GLYATL2: variants seen among roughly 807,000 people sequenced by gnomAD.
GLYATL2 encodes glycine-N-acyltransferase like 2.
A neutral mutation model predicts 21.4 loss-of-function variants in GLYATL2; 25 were observed. The observed-to-expected ratio is 1.17, with a 90% CI of 0.85 to 1.63. The LOEUF is 1.63. GLYATL2 is among the 40% of genes most tolerant of loss of function. The pLI is 0.00. For synonymous variants in GLYATL2, 114 were observed against 118.2 expected, an observed-to-expected ratio of 0.96 and a Z score of 0.23; for missense variants, 361 against 343.3, an observed-to-expected ratio of 1.05 and a Z score of -0.41.
intron 1 of GLYATL2, among the ~76,000 whole-genome samples, chr11:58,869,174 T>C (rs1854072107): frequency 6.6e-6 from 1 of 152,350 alleles, no homozygotes; most frequent in Non-Finnish European, 1.5e-5. Flanking sequence ...AGAAGTTGGA[T>C]TGTGTTCTAG....
chr11:58,869,917 A>G (rs1041165986), intron 1 of GLYATL2, among the ~76,000 whole-genome samples: 3 of 152,154 alleles, frequency 2.0e-5, no homozygotes, highest in African/African-American at 7.2e-5. Context: ...CCTGAAAAAC[A>G]AAGACCCCCG....
chr11:58,863,540 A>C (rs1853969589), intron 1 of GLYATL2, among the ~76,000 whole-genome samples: 1 of 152,138 alleles, frequency 6.6e-6, no homozygotes, highest in African/African-American at 2.4e-5. Flanking sequence ...CCCTGAGTTT[A>C]TTGGATCCTG....
At chr11:58,868,358 A>C (rs1854056205) in intron 1 of GLYATL2, among the ~76,000 whole-genome samples, 1 of 148,930 alleles carries the variant, frequency 6.7e-6, no homozygotes, top group South Asian at 2.2e-4. Flanking sequence ...GATCCCATCC[A>C]GACAATGGGA....
chr11:58,899,289 G>C (rs1036284552), intron 1 of GLYATL2, among the ~76,000 whole-genome samples: 9 of 151,960 alleles, frequency 5.9e-5, no homozygotes, highest in East Asian at 1.9e-4. Context: ...AGGATGTACA[G>C]GGCAAAGCTG....
intron 1 of GLYATL2, among the ~76,000 whole-genome samples, chr11:58,887,917 T>C (rs1489594419): frequency 6.6e-6 from 1 of 152,168 alleles, no homozygotes; most frequent in African/African-American, 2.4e-5. Context: ...CAGATTATCT[T>C]CTCAAAGGAT....
upstream of GLYATL2, among the ~76,000 whole-genome samples, chr11:58,904,423 C>T (rs1854807608): frequency 6.6e-6 from 1 of 152,332 alleles, no homozygotes; most frequent in South Asian, 2.1e-4. Context: ...CCCTAAGGAG[C>T]ACTTTTTTCC....
chr11:58,904,974 G>A (rs1854827269), upstream of GLYATL2, among the ~76,000 whole-genome samples: 1 of 152,158 alleles, frequency 6.6e-6, no homozygotes, highest in African/African-American at 2.4e-5. Flanking sequence ...ACAGTAAGAC[G>A]TTCTGTTCTT....
the GLYATL2 span, among the ~76,000 whole-genome samples, chr11:58,909,470 T>G: frequency 6.6e-6 from 1 of 152,178 alleles, no homozygotes; most frequent in South Asian, 2.1e-4. Flanking sequence ...TAGATTCTGG[T>G]GATAATGTAT....
At chr11:58,869,236 C>A (rs1287927525) in intron 1 of GLYATL2, among the ~76,000 whole-genome samples, 2 of 152,154 alleles carry the variant, frequency 1.3e-5, no homozygotes, top group Non-Finnish European at 2.9e-5. Context: ...ATTTGATAAA[C>A]CGATATTCTT....
chr11:58,851,680 T>C (rs1474619857), intron 1 of GLYATL2, among the ~76,000 whole-genome samples: 1 of 152,206 alleles, frequency 6.6e-6, no homozygotes, highest in Non-Finnish European at 1.5e-5. Flanking sequence ...ATTACTATTA[T>C]ATGGTTCCTG....
At chr11:58,834,942 TG>T (rs1853402166) in intron 5 of GLYATL2, 105 bp from the exon 6 acceptor site, 2 of 788,446 alleles carry the variant, frequency 2.5e-6, no homozygotes, top group South Asian at 1.9e-5. Flanking sequence ...CCCTACAGCC[TG>T]GAGGAGGCAA....
chr11:58,868,064 G>T (rs1854051269), intron 1 of GLYATL2, among the ~76,000 whole-genome samples: 1 of 148,774 alleles, frequency 6.7e-6, no homozygotes, highest in Admixed American at 6.9e-5. Flanking sequence ...CAGCCCTACA[G>T]ATGGGAGAGG....
At chr11:58,849,126 C>T (rs117149300), upstream of GLYATL2, among the ~76,000 whole-genome samples, 6,089 of 152,144 alleles carry the variant, frequency 0.04, 192 homozygotes, top group Middle Eastern at 0.068. Context: ...AGAATACTTT[C>T]CCAGACAAGA....
intron 1 of GLYATL2, among the ~76,000 whole-genome samples, chr11:58,873,464 A>G (rs983714446): frequency 6.6e-6 from 1 of 152,198 alleles, no homozygotes; most frequent in Admixed American, 6.5e-5. Flanking sequence ...CATTCTATCA[A>G]TACCTATTTT....
intron 1 of GLYATL2, among the ~76,000 whole-genome samples, chr11:58,889,754 T>C (rs1046127126): frequency 1.3e-5 from 2 of 152,118 alleles, no homozygotes; most frequent in Non-Finnish European, 2.9e-5. Flanking sequence ...CTACCGAATA[T>C]TTTATTCAGA....
chr11:58,852,269 C>A (rs888628403), intron 1 of GLYATL2, among the ~76,000 whole-genome samples: 3 of 152,132 alleles, frequency 2.0e-5, no homozygotes, highest in African/African-American at 7.2e-5. Context: ...AGATACCCAA[C>A]CCCATCTCCA....
At chr11:58,893,648 G>T (rs1306821556) in intron 1 of GLYATL2, among the ~76,000 whole-genome samples, 1 of 152,182 alleles carries the variant, frequency 6.6e-6, no homozygotes, top group Non-Finnish European at 1.5e-5. Context: ...CAGGCTGGAG[G>T]TGGGAAGCAG....
chr11:58,845,850 T>C (rs1444181768), upstream of GLYATL2, among the ~76,000 whole-genome samples: 1 of 152,186 alleles, frequency 6.6e-6, no homozygotes, highest in African/African-American at 2.4e-5. Context: ...AGGCAGTTTA[T>C]ATCTTCTTAC....
intron 1 of GLYATL2, among the ~76,000 whole-genome samples, chr11:58,898,617 GA>G (rs1245055393): frequency 2.0e-5 from 3 of 151,780 alleles, no homozygotes; most frequent in Non-Finnish European, 2.9e-5. Context: ...GGCAGATCAC[GA>G]AGGTCAGGAG....
Sources: allele counts gnomAD v4.1 joint callset (sites outside exome capture counted in the v4.1 genomes callset), GRCh38; gene constraint gnomAD v4.1.1; transcripts MANE v1.5; gene names NCBI Gene and HGNC (gene_info 2026-07-23, HGNC 2026-07-21).